The following EPHB1 variants were observed in gnomAD, a reference collection of about 807,000 sequenced individuals.
EPHB1 encodes ephrin type-B receptor 1.
A neutral mutation model predicts 94.4 loss-of-function variants in EPHB1; 30 were observed. The observed-to-expected ratio is 0.32, with a 90% CI of 0.24 to 0.43. The LOEUF is 0.43. EPHB1 is among the 20% of genes least tolerant of loss of function. EPHB1 has a pLI of 1.00. For synonymous variants in EPHB1, 522 were observed against 489.1 expected (o/e 1.07, Z -0.89); for missense variants, 1,055 against 1,308.3 (o/e 0.81, Z 2.99).
intron 1 of EPHB1, among the ~76,000 whole-genome samples, chr3:134,873,534 C>T (rs553487097): frequency 9.9e-5 from 15 of 152,284 alleles, no homozygotes; most frequent in African/African-American, 2.4e-4. Context: ...AATATGGCTG[C>T]GGGGACTTGT....
intron 13 of EPHB1, among the ~76,000 whole-genome samples, 168 bp from the exon 14 acceptor site, chr3:135,248,148 G>A (rs570204222): frequency 2.0e-5 from 3 of 152,222 alleles, no homozygotes; most frequent in African/African-American, 7.2e-5. Flanking sequence ...TGTCTAGGGG[G>A]ATAAACCAAG....
chr3:134,902,565 C>G (rs2038225086), intron 1 of EPHB1, among the ~76,000 whole-genome samples: 1 of 152,154 alleles, frequency 6.6e-6, no homozygotes, highest in Non-Finnish European at 1.5e-5. Context: ...TTTAACAGAT[C>G]TTGCTATGAT....
In EPHB1 at chr3:135,259,192, G is replaced by A; in HGVS notation, c.*72G>A. ...CAAGGGGGACCAGAGGTTGACCACT[G>A]TGGAATGTACTGGAGAGACTGGCTT... On this transcript the variant is annotated 3_prime_UTR_variant, in exon 16 of 16. Transcript: ENST00000398015. The A allele has an allele frequency of 8.2e-7, 1 of 1,221,334 alleles. No homozygotes were observed. The highest frequency in any genetic ancestry group is 1.3e-5 in the South Asian group (1 of 76,586). The allele number at this position is 1,221,334 out of a possible 1,614,324, so 75.7% of individuals were successfully genotyped here.
intron 3 of EPHB1, among the ~76,000 whole-genome samples, chr3:135,048,224 C>CTTTTTT (rs71157318): frequency 2.8e-5 from 3 of 109,006 alleles, no homozygotes; most frequent in African/African-American, 3.5e-5. Context: ...AAAAAATACT[C>CTTTTTT]TTTTTTTTTT....
chr3:134,899,690 G>A lies in EPHB1; in HGVS notation c.59-26126G>A, dbSNP rs538330982. On this transcript the variant is annotated intron_variant, in intron 1 of 15. Coordinates refer to ENST00000398015, the MANE Select transcript of EPHB1 (RefSeq NM_004441.5). ...TTGTTTTGTTTTGTTTGTTTTATTT[G>A]GAAGAGACAGGGTCTCACTCTGTCA... Among the ~76,000 whole-genome samples, 418 of 151,790 alleles carry A rather than the reference G, an allele frequency of 2.8e-3. 2 individuals carry two copies. Among genetic ancestry groups the A allele is most frequent in the South Asian group, 0.027 (129 of 4,800 alleles).
At chr3:135,188,473 C>T (rs538498044) in intron 10 of EPHB1, among the ~76,000 whole-genome samples, 64 of 152,032 alleles carry the variant, frequency 4.2e-4, no homozygotes, top group African/African-American at 1.3e-3. Context: ...CCAGCCTGGG[C>T]GACATAGCAA....
intron 1 of EPHB1, among the ~76,000 whole-genome samples, chr3:134,906,982 A>G (rs959402037): frequency 6.6e-6 from 1 of 152,246 alleles, no homozygotes; most frequent in Non-Finnish European, 1.5e-5. Context: ...AAAATAGTTT[A>G]TAAACTCTAA....
At chr3:134,995,355 A>G (rs745613833) in intron 3 of EPHB1, among the ~76,000 whole-genome samples, 6 of 152,128 alleles carry the variant, frequency 3.9e-5, no homozygotes, top group Non-Finnish European at 7.3e-5. Context: ...GTAGCATTCT[A>G]TGGTATGGAT....
chr3:134,870,645 T>A (rs1255753805), intron 1 of EPHB1, among the ~76,000 whole-genome samples: 1 of 152,232 alleles, frequency 6.6e-6, no homozygotes, highest in Non-Finnish European at 1.5e-5. Context: ...TGATATCAAC[T>A]GTGACATGCT....
At chr3:135,123,853 C>T (rs1345484313) in intron 4 of EPHB1, among the ~76,000 whole-genome samples, 1 of 151,698 alleles carries the variant, frequency 6.6e-6, no homozygotes, top group Non-Finnish European at 1.5e-5. Flanking sequence ...GCCCAAGCCA[C>T]CATCACCTCT....
At chr3:134,898,523 C>G (rs1362457836) in intron 1 of EPHB1, among the ~76,000 whole-genome samples, 1 of 152,148 alleles carries the variant, frequency 6.6e-6, no homozygotes, top group African/African-American at 2.4e-5. Context: ...CCCCATGCTC[C>G]CAACTCCCTG....
At chr3:135,079,907 G>A (rs185620769) in intron 3 of EPHB1, among the ~76,000 whole-genome samples, 8 of 151,988 alleles carry the variant, frequency 5.3e-5, no homozygotes, top group African/African-American at 1.9e-4. Flanking sequence ...AGTAGACATG[G>A]CCATCCCAAG....
chr3:135,095,643 C>T (rs1048294876), intron 3 of EPHB1, among the ~76,000 whole-genome samples: 20 of 152,186 alleles, frequency 1.3e-4, no homozygotes, highest in African/African-American at 3.9e-4. Context: ...CCCCTCCAAG[C>T]GCTCAGCCTC....
intron 1 of EPHB1, among the ~76,000 whole-genome samples, chr3:134,850,996 A>G (rs2036971250): frequency 6.6e-6 from 1 of 152,272 alleles, no homozygotes; most frequent in Non-Finnish European, 1.5e-5. Flanking sequence ...GGCCTGGACC[A>G]GGAAAGGCCT....
At chr3:135,254,120 CA>C (rs1426010877) in intron 15 of EPHB1, among the ~76,000 whole-genome samples, 1 of 99,246 alleles carries the variant, frequency 1.0e-5, no homozygotes, top group African/African-American at 3.9e-5. Context: ...TGGGCTGAGA[CA>C]ATGGGGTTTT....
At chr3:135,022,479 A>G (rs1457331808) in intron 3 of EPHB1, among the ~76,000 whole-genome samples, 1 of 152,236 alleles carries the variant, frequency 6.6e-6, no homozygotes, top group Non-Finnish European at 1.5e-5. Context: ...GAAGAAACCC[A>G]CTTGTAACAC....
chr3:134,824,993 A>G (rs1249238017), intron 1 of EPHB1, among the ~76,000 whole-genome samples: 1 of 152,242 alleles, frequency 6.6e-6, no homozygotes, highest in Non-Finnish European at 1.5e-5. Flanking sequence ...GGCCTGGCCA[A>G]CCTGCAGGAC....
At chr3:135,179,838 C>T (rs374397649) in intron 9 of EPHB1, 22 bp from the exon 10 acceptor site, 37 of 1,613,046 alleles carry the variant, frequency 2.3e-5, no homozygotes, top group Non-Finnish European at 2.9e-5. Context: ...GGATGTTAAC[C>T]CTGCTTATCT....
At chr3:134,914,866 C>T (rs961060785) in intron 1 of EPHB1, among the ~76,000 whole-genome samples, 25 of 152,242 alleles carry the variant, frequency 1.6e-4, no homozygotes, top group Middle Eastern at 3.4e-3. Context: ...GAGGGGCCAC[C>T]AGCCTCTCCC....
Sources: gnomAD v4.1 joint callset for allele counts (sites outside exome capture counted in the v4.1 genomes callset) on GRCh38, gnomAD v4.1.1 for gene constraint, MANE v1.5 for transcripts, NCBI Gene and HGNC (gene_info 2026-07-23, HGNC 2026-07-21) for gene names.